TMPRSS12: variants seen among roughly 807,000 people sequenced by gnomAD.
TMPRSS12 encodes transmembrane protease serine 12.
TMPRSS12 carries 25 observed loss-of-function variants against 26.0 expected under a neutral mutation model. The ratio of observed to expected loss-of-function variants is 0.96; its 90% CI spans 0.70 to 1.34. The LOEUF (loss-of-function observed/expected upper bound fraction) is 1.34, where lower values mean the gene tolerates loss of function less well. Among genes scored for constraint, TMPRSS12 ranks in the 40% most tolerant of loss-of-function variants. The pLI is 0.00. For synonymous variants in TMPRSS12, 150 were observed against 161.7 expected, an observed-to-expected ratio of 0.93 and a Z score of 0.55; for missense variants, 441 against 440.1, an observed-to-expected ratio of 1.00 and a Z score of -0.02.
At chr12:50,853,006 C>T (rs529067321) in intron 2 of TMPRSS12, among the ~76,000 whole-genome samples, 197 of 152,216 alleles carry the variant, frequency 1.3e-3, no homozygotes, top group Non-Finnish European at 1.7e-3. Context: ...GACACTCCAC[C>T]CAAAAACAAC....
At chr12:50,844,479 T>G (rs1376427378) in intron 2 of TMPRSS12, among the ~76,000 whole-genome samples, 2 of 152,056 alleles carry the variant, frequency 1.3e-5, no homozygotes, top group Admixed American at 1.3e-4. Flanking sequence ...GTTCATGCGA[T>G]TCTTCTGCCT....
intron 3 of TMPRSS12, among the ~76,000 whole-genome samples, chr12:50,864,925 C>G (rs1937976739): frequency 6.6e-6 from 1 of 152,142 alleles, no homozygotes; most frequent in Non-Finnish European, 1.5e-5. Context: ...TCCTAAAGTG[C>G]TGGGATTACA....
intron 3 of TMPRSS12, among the ~76,000 whole-genome samples, chr12:50,864,759 G>A (rs566746137): frequency 2.6e-4 from 40 of 152,120 alleles, no homozygotes; most frequent in African/African-American, 8.7e-4. Context: ...CAGGGTTCAC[G>A]CCATTCTCCT....
chr12:50,873,026 C>T (rs372963986), intron 3 of TMPRSS12, among the ~76,000 whole-genome samples: 19 of 150,328 alleles, frequency 1.3e-4, no homozygotes, highest in South Asian at 8.4e-4. Context: ...AATGAATTAA[C>T]GGCATTCGCA....
chr12:50,858,531 C>G (rs1937903132), intron 2 of TMPRSS12, among the ~76,000 whole-genome samples: 1 of 152,036 alleles, frequency 6.6e-6, no homozygotes, highest in Non-Finnish European at 1.5e-5. Context: ...TTCTTTTGTC[C>G]ATTGGTACAA....
At chr12:50,872,207 A>G (rs1177595266) in intron 3 of TMPRSS12, among the ~76,000 whole-genome samples, 1 of 152,190 alleles carries the variant, frequency 6.6e-6, no homozygotes, top group African/African-American at 2.4e-5. Context: ...CCCATCAATC[A>G]ACTAGTGGTT....
At position 50,843,035 on chromosome 12, in the gene TMPRSS12, C is replaced by A; in HGVS notation, c.71C>A (p.Ser24Ter). ...GSSHLYSDHY[S>*]PSGRHRLGPS... ...TCTCACTTATACTCAGACCACTACT[C>A]GCCCTCTGGAAGGCACAGGCTCGGC... The change falls in exon 1 of 5, where the codon TCG (serine) becomes TAG (stop). Residue 24 changes from serine to a stop codon, truncating the protein, a stop_gained. Transcript: ENST00000398458. LOFTEE classifies it high-confidence loss of function. 1 of 1,605,748 alleles carries A rather than the reference C, an allele frequency of 6.2e-7. No individual in the cohort carries two copies. Among genetic ancestry groups the A allele is most frequent in the East Asian group, 2.2e-5 (1 of 44,578 alleles).
intron 2 of TMPRSS12, among the ~76,000 whole-genome samples, chr12:50,857,809 G>A (rs1032252484): frequency 8.3e-5 from 10 of 120,294 alleles, no homozygotes; most frequent in African/African-American, 2.4e-4. Flanking sequence ...TGTTGTTGTC[G>A]TTGTTGTCGT....
intron 4 of TMPRSS12, chr12:50,885,822 T>C (rs1938220714): frequency 7.4e-6 from 2 of 271,254 alleles, no homozygotes; most frequent in Non-Finnish European, 6.8e-6. Flanking sequence ...TGCCCGGCCA[T>C]TCTTTTTTTT....
intron 3 of TMPRSS12, among the ~76,000 whole-genome samples, chr12:50,872,162 T>C (rs1938049842): frequency 6.6e-6 from 1 of 152,158 alleles, no homozygotes; most frequent in African/African-American, 2.4e-5. Flanking sequence ...AGCAGCACAA[T>C]TCGCAATTGC....
intron 3 of TMPRSS12, 74 bp from the exon 4 acceptor site, chr12:50,885,172 C>A: frequency 7.2e-7 from 1 of 1,388,006 alleles, no homozygotes; most frequent in Non-Finnish European, 9.7e-7. Context: ...GGAAAGAAAA[C>A]ATAAAACACT....
chr12:50,843,384 C>T (rs1281817402), intron 1 of TMPRSS12, among the ~76,000 whole-genome samples: 3 of 152,052 alleles, frequency 2.0e-5, no homozygotes, highest in African/African-American at 7.3e-5. Context: ...TTTATCATCC[C>T]CATTTTATAG....
At chr12:50,872,563 T>G (rs1592222825) in intron 3 of TMPRSS12, among the ~76,000 whole-genome samples, 1 of 134,574 alleles carries the variant, frequency 7.4e-6, no homozygotes, top group African/African-American at 2.9e-5. Flanking sequence ...AAAAAATATA[T>G]ATATATGCCA....
At chr12:50,873,174 G>T (rs7297502) in intron 3 of TMPRSS12, among the ~76,000 whole-genome samples, 94,391 of 150,918 alleles carry the variant, frequency 0.63, 29,621 homozygotes, top group South Asian at 0.68. Flanking sequence ...CAATGGACTT[G>T]GGGGACTCAG....
At chr12:50,846,090 C>CT (rs545374722) in intron 2 of TMPRSS12, among the ~76,000 whole-genome samples, 58 of 152,146 alleles carry the variant, frequency 3.8e-4, no homozygotes, top group Non-Finnish European at 6.6e-4. Context: ...TGTGGGTCAT[C>CT]TTTTCACTCT....
chr12:50,876,457 G>C (rs150012998), intron 3 of TMPRSS12, among the ~76,000 whole-genome samples: 1 of 152,092 alleles, frequency 6.6e-6, no homozygotes, highest in African/African-American at 2.4e-5. Flanking sequence ...TATGTTCATC[G>C]CAGCACTGTT....
At chr12:50,874,802 T>C (rs1484080043) in intron 3 of TMPRSS12, among the ~76,000 whole-genome samples, 1 of 151,846 alleles carries the variant, frequency 6.6e-6, no homozygotes, top group East Asian at 1.9e-4. Flanking sequence ...AAGAATGCGA[T>C]GTCATTTAAA....
At chr12:50,846,227 C>T (rs1027961263) in intron 2 of TMPRSS12, among the ~76,000 whole-genome samples, 2 of 152,106 alleles carry the variant, frequency 1.3e-5, no homozygotes, top group Non-Finnish European at 2.9e-5. Flanking sequence ...TCCAGTATCA[C>T]GAAGCTTTTC....
At chr12:50,875,576 A>G (rs1261825347) in intron 3 of TMPRSS12, among the ~76,000 whole-genome samples, 2 of 152,032 alleles carry the variant, frequency 1.3e-5, no homozygotes, top group Non-Finnish European at 2.9e-5. Flanking sequence ...AAACAGACAC[A>G]TAGACCAATA....
Sources: gnomAD v4.1 joint callset for allele counts (sites outside exome capture counted in the v4.1 genomes callset) on GRCh38, gnomAD v4.1.1 for gene constraint, MANE v1.5 for transcripts, NCBI Gene and HGNC (gene_info 2026-07-23, HGNC 2026-07-21) for gene names.